HPCAL1: variants seen among roughly 807,000 people sequenced by gnomAD.
The protein encoded by HPCAL1 is hippocalcin-like protein 1.
In HPCAL1, 8 loss-of-function variants were observed where a neutral mutation model predicts 17.1. That is an observed-to-expected ratio of 0.47 (90% CI 0.27 to 0.84). The LOEUF (loss-of-function observed/expected upper bound fraction) is 0.84, where lower values mean the gene tolerates loss of function less well. HPCAL1 is among the 40% of genes least tolerant of loss of function. The pLI is 0.13. For missense variants in HPCAL1, 165 were observed against 271.1 expected (o/e 0.61, Z 2.75); for synonymous variants, 112 against 111.4 (o/e 1.01, Z -0.03).
intron 1 of HPCAL1, among the ~76,000 whole-genome samples, chr2:10,318,464 T>C (rs562671628): frequency 6.6e-6 from 1 of 152,326 alleles, no homozygotes; most frequent in East Asian, 1.9e-4. Context: ...TTGCCCATGC[T>C]TGTTAACTGA....
chr2:10,398,622 C>A (rs1669214939), intron 2 of HPCAL1, among the ~76,000 whole-genome samples: 1 of 152,100 alleles, frequency 6.6e-6, no homozygotes, highest in African/African-American at 2.4e-5. Context: ...CCGCTGGGCA[C>A]CAACGCACGC....
chr2:10,336,511 G>A (rs1473157694), intron 1 of HPCAL1, among the ~76,000 whole-genome samples: 3 of 152,190 alleles, frequency 2.0e-5, no homozygotes, highest in Admixed American at 6.5e-5. Context: ...GTAGGAACAT[G>A]ACTGTGTGTC....
intron 2 of HPCAL1, among the ~76,000 whole-genome samples, chr2:10,404,825 A>G (rs1669872852): frequency 6.6e-6 from 1 of 152,178 alleles, no homozygotes; most frequent in South Asian, 2.1e-4. Context: ...CTCTCTGCCC[A>G]GCTGGGCCTC....
chr2:10,327,784 G>A (rs1329161373), intron 1 of HPCAL1, among the ~76,000 whole-genome samples: 5 of 152,144 alleles, frequency 3.3e-5, no homozygotes, highest in Admixed American at 6.5e-5. Flanking sequence ...GCAGAGAGTG[G>A]AGTTATTTAG....
rs116201812 is a variant in HPCAL1, at chr2:10,318,331, G to T, written c.-111+15154G>T. ...CCCCAGACTCCCCCAACCCCAGCTC[G>T]CACCTGCAGAAGTTACGTCTTTGCA... On this transcript the variant is annotated intron_variant, in intron 1 of 4. Transcript: ENST00000307845. 6.2e-3 allele frequency among the ~76,000 whole-genome samples: 785 copies of T among 126,382 alleles called. 9 individuals carry two copies. Among genetic ancestry groups the T allele is most frequent in the African/African-American group, 0.022 (743 of 33,184 alleles). The allele number at this position is 126,382 out of a possible 152,430, so 82.9% of individuals were successfully genotyped here.
chr2:10,386,849 G>A (rs879409542), intron 1 of HPCAL1, among the ~76,000 whole-genome samples: 4 of 152,176 alleles, frequency 2.6e-5, no homozygotes, highest in Non-Finnish European at 5.9e-5. Flanking sequence ...CGCCTTGCAC[G>A]GCATTGCTTA....
chr2:10,332,903 C>A (rs1664474829), intron 1 of HPCAL1, among the ~76,000 whole-genome samples: 1 of 145,112 alleles, frequency 6.9e-6, no homozygotes, highest in Non-Finnish European at 1.5e-5. Flanking sequence ...CTGGGCCAGG[C>A]AGGCTGAAGA....
At chr2:10,400,781 G>A (rs200373712) in intron 2 of HPCAL1, among the ~76,000 whole-genome samples, 3 of 132,776 alleles carry the variant, frequency 2.3e-5, no homozygotes, top group Admixed American at 7.5e-5. Flanking sequence ...ATACACACAC[G>A]CACACACATA....
rs1452324163 is a variant in HPCAL1 at position 10,359,743 on chromosome 2, TGAGG to T, written c.-110-37091_-110-37088del. ...AGGCCAGGCCAGCACCTCTCCACTC[TGAGG>T]AAGGGGCCTTACCCAGATCCCCGTG... On this transcript the variant is annotated intron_variant, in intron 1 of 4. Transcript: ENST00000307845. The surrounding 1 kb of genome is among the most constrained non-coding windows in gnomAD (Gnocchi z 4.1). Among the ~76,000 whole-genome samples the T allele has an allele frequency of 1.3e-5, 2 of 152,208 alleles. No homozygotes were observed. Among genetic ancestry groups the T allele is most frequent in the African/African-American group, 4.8e-5 (2 of 41,464 alleles).
Position 10,416,171 on chromosome 2 carries a change from C to G in HPCAL1, c.-24-3563C>G, listed in dbSNP as rs867436291. Among the ~76,000 whole-genome samples, 15 of 152,220 alleles carry G rather than the reference C, an allele frequency of 9.9e-5. No homozygotes were observed. In the South Asian group the frequency reaches 1.9e-3, roughly 19 times the overall value. ...AGGTAACCTCAGGTCCTCAGGCTAC[C>G]TTTGCAAATAGGTCCTTGCAAAGAC... On this transcript the variant is annotated intron_variant, in intron 2 of 4. Coordinates refer to ENST00000307845, the MANE Select transcript of HPCAL1 (RefSeq NM_002149.4).
rs1668190776 is a variant in HPCAL1, at chr2:10,384,600, T to C, written c.-110-12235T>C. On this transcript the variant is annotated intron_variant, in intron 1 of 4. Transcript: ENST00000307845. The surrounding 1 kb of genome is among the most constrained non-coding windows in gnomAD (Gnocchi z 4.4). ...GGCAGAGTGGATGAAGGGGAGGTGC[T>C]CAGTGCTATGAAAGCCAGCAGCTGG... Among the ~76,000 whole-genome samples, 1 of 151,636 alleles carries C rather than the reference T, an allele frequency of 6.6e-6. No homozygotes were observed. The highest frequency in any genetic ancestry group is 2.1e-4 in the South Asian group (1 of 4,802).
At chr2:10,307,253 G>T (rs10198443) in intron 1 of HPCAL1, among the ~76,000 whole-genome samples, 1 of 152,198 alleles carries the variant, frequency 6.6e-6, no homozygotes, top group Non-Finnish European at 1.5e-5. Flanking sequence ...TGGGTGGTGC[G>T]TGGTTCTCCT....
At chr2:10,314,124 ACTCCGTCTC>A in intron 1 of HPCAL1, among the ~76,000 whole-genome samples, 1 of 149,832 alleles carries the variant, frequency 6.7e-6, no homozygotes, top group African/African-American at 2.5e-5. Context: ...ACAGAGCAAG[ACTCCGTCTC>A]AGGGAAAAAA....
intron 1 of HPCAL1, among the ~76,000 whole-genome samples, chr2:10,364,600 T>C (rs1230693469): frequency 6.6e-6 from 1 of 151,662 alleles, no homozygotes; most frequent in African/African-American, 2.4e-5. Flanking sequence ...TTTTTTTTTT[T>C]TGGAGACAGT....
At chr2:10,345,258 G>T (rs1665358612) in intron 1 of HPCAL1, among the ~76,000 whole-genome samples, 1 of 152,088 alleles carries the variant, frequency 6.6e-6, no homozygotes, top group African/African-American at 2.4e-5. Flanking sequence ...GGACAGACTA[G>T]AGGAACCTTT....
Position 10,310,274 on chromosome 2 carries a change from C to T in HPCAL1, c.-111+7097C>T, listed in dbSNP as rs530363469. Among the ~76,000 whole-genome samples the T allele has an allele frequency of 9.2e-5, 14 of 152,108 alleles. No individual in the cohort carries two copies. The highest frequency in any genetic ancestry group is 1.2e-4 in the Non-Finnish European group (8 of 67,998). ...GGCGCAGCTCAGACGTAGATGGGGA[C>T]GCAGATGTGAGTACCTAGGTGAGTC... On this transcript the variant is annotated intron_variant, in intron 1 of 4. Transcript: ENST00000307845. This position sits in a 1 kb window ranked among gnomAD's most constrained non-coding sequence, Gnocchi z 4.5.
At chr2:10,329,070 C>T (rs1664192216) in intron 1 of HPCAL1, among the ~76,000 whole-genome samples, 1 of 152,112 alleles carries the variant, frequency 6.6e-6, no homozygotes, top group South Asian at 2.1e-4. Flanking sequence ...GTTCAAGTGT[C>T]CTCCTGCCTC....
intron 1 of HPCAL1, among the ~76,000 whole-genome samples, chr2:10,327,593 C>G (rs741262): frequency 0.8 from 121,970 of 152,218 alleles, 49,575 homozygotes; most frequent in East Asian, 0.99. Flanking sequence ...ATATATTCAA[C>G]TAACTGCATT....
At chr2:10,417,611 CT>C (rs1670754897) in intron 2 of HPCAL1, among the ~76,000 whole-genome samples, 1 of 152,176 alleles carries the variant, frequency 6.6e-6, no homozygotes, top group Non-Finnish European at 1.5e-5. Flanking sequence ...GAGTAGTTTG[CT>C]GTTACAGACC....
Sources: gnomAD v4.1 joint callset for allele counts (sites outside exome capture counted in the v4.1 genomes callset) on GRCh38, gnomAD v4.1.1 for gene constraint, Gnocchi (gnomAD v3.1) non-coding constraint, MANE v1.5 for transcripts, NCBI Gene and HGNC (gene_info 2026-07-23, HGNC 2026-07-21) for gene names.